The following ASIC2 variants were observed in gnomAD, a reference collection of about 807,000 sequenced individuals.
ASIC2 encodes acid sensing ion channel subunit 2.
A neutral mutation model predicts 57.3 loss-of-function variants in ASIC2; 25 were observed. The ratio of observed to expected loss-of-function variants is 0.44; its 90% CI spans 0.32 to 0.61. The LOEUF is 0.61. ASIC2 is among the 20% of genes least tolerant of loss of function. ASIC2 has a pLI of 0.06. For missense variants in ASIC2, 641 were observed against 738.1 expected, an observed-to-expected ratio of 0.87 and a Z score of 1.52; for synonymous variants, 319 against 307.5, an observed-to-expected ratio of 1.04 and a Z score of -0.39.
chr17:33,992,473 T>A (rs926135313), intron 1 of ASIC2, among the ~76,000 whole-genome samples: 1 of 152,214 alleles, frequency 6.6e-6, no homozygotes, highest in Non-Finnish European at 1.5e-5. Context: ...TCCAACAGCC[T>A]TCATTTGGGA....
intron 1 of ASIC2, among the ~76,000 whole-genome samples, chr17:33,798,311 G>A (rs1911979800): frequency 6.6e-6 from 1 of 152,176 alleles, no homozygotes; most frequent in Non-Finnish European, 1.5e-5. Context: ...GGCTCAGGAA[G>A]CTTTGCTGCG....
At chr17:33,424,121 G>A (rs1298154950) in intron 1 of ASIC2, among the ~76,000 whole-genome samples, 3 of 152,112 alleles carry the variant, frequency 2.0e-5, no homozygotes, top group Non-Finnish European at 4.4e-5. Context: ...CTACAGGGTG[G>A]GGCTCTGAGA....
At chr17:33,904,492 T>C (rs1220393146) in intron 1 of ASIC2, among the ~76,000 whole-genome samples, 1 of 152,212 alleles carries the variant, frequency 6.6e-6, no homozygotes, top group Non-Finnish European at 1.5e-5. Context: ...ATTCAAATGT[T>C]CTGAGGCAGA....
intron 1 of ASIC2, among the ~76,000 whole-genome samples, chr17:33,958,637 G>A (rs954495851): frequency 6.6e-6 from 1 of 152,122 alleles, no homozygotes; most frequent in African/African-American, 2.4e-5. Flanking sequence ...CACTGAAGGG[G>A]GGGTCTTGGA....
At chr17:33,631,539 G>T (rs1040921621) in intron 1 of ASIC2, among the ~76,000 whole-genome samples, 1 of 152,086 alleles carries the variant, frequency 6.6e-6, no homozygotes, top group Non-Finnish European at 1.5e-5. Context: ...GTAAAATGGG[G>T]ATAAGAATAG....
chr17:33,703,892 A>G (rs1597842136), intron 1 of ASIC2, among the ~76,000 whole-genome samples: 1 of 151,874 alleles, frequency 6.6e-6, no homozygotes, highest in African/African-American at 2.4e-5. Flanking sequence ...TTAGCCCTCA[A>G]CTCCATCTGT....
Position 33,140,537 on chromosome 17 carries a change from A to G in ASIC2, c.709-28470T>C, listed in dbSNP as rs868698416. ...CTGTGGTTAGCATTGCAGGAAATAT[A>G]TATACATAAAGTAGCTGCCACATTG... On this transcript the variant is annotated intron_variant, in intron 1 of 9. Transcript: ENST00000225823. 3.9e-5 allele frequency among the ~76,000 whole-genome samples: 6 copies of G among 152,186 alleles called. No individual in the cohort carries two copies. The South Asian group carries it at 8.3e-4, about 21-fold the overall frequency.
chr17:33,503,596 G>A (rs946734234), intron 1 of ASIC2, among the ~76,000 whole-genome samples: 1 of 152,076 alleles, frequency 6.6e-6, no homozygotes, highest in Non-Finnish European at 1.5e-5. Context: ...GGCCCACAGA[G>A]GCTCTACATC....
chr17:33,972,753 C>A (rs1323041420), intron 1 of ASIC2, among the ~76,000 whole-genome samples: 1 of 152,244 alleles, frequency 6.6e-6, no homozygotes, highest in Non-Finnish European at 1.5e-5. Flanking sequence ...GAACAGGTCA[C>A]TTTTGATGAA....
At chr17:33,181,641 G>C (rs1212452333) in intron 1 of ASIC2, among the ~76,000 whole-genome samples, 2 of 152,106 alleles carry the variant, frequency 1.3e-5, no homozygotes, top group Non-Finnish European at 2.9e-5. Flanking sequence ...CTTTCTCTTA[G>C]GGACACCAGT....
chr17:33,961,408 G>A (rs36058784), intron 1 of ASIC2, among the ~76,000 whole-genome samples: 17,131 of 152,186 alleles, frequency 0.11, 1,080 homozygotes, highest in Middle Eastern at 0.17. Flanking sequence ...GGTGGTTGGA[G>A]GCTAGAATAG....
intron 1 of ASIC2, among the ~76,000 whole-genome samples, chr17:33,778,531 C>T (rs1017590319): frequency 6.6e-6 from 1 of 152,174 alleles, no homozygotes; most frequent in Non-Finnish European, 1.5e-5. Flanking sequence ...ATCAAATTCA[C>T]CTCCTGGGGA....
At chr17:33,184,191 C>G (rs1166700685) in intron 1 of ASIC2, among the ~76,000 whole-genome samples, 1 of 152,118 alleles carries the variant, frequency 6.6e-6, no homozygotes, top group Non-Finnish European at 1.5e-5. Context: ...TTTAGGGACT[C>G]AGATGGTATA....
intron 1 of ASIC2, among the ~76,000 whole-genome samples, chr17:33,856,792 G>C (rs2141920716): frequency 6.6e-6 from 1 of 152,272 alleles, no homozygotes; most frequent in African/African-American, 2.4e-5. Context: ...GACCGCGACA[G>C]GTAGTTCAGG....
intron 1 of ASIC2, among the ~76,000 whole-genome samples, chr17:33,915,120 T>C (rs1013586411): frequency 1.3e-5 from 2 of 152,170 alleles, no homozygotes; most frequent in Non-Finnish European, 2.9e-5. Flanking sequence ...TGAAATTAAA[T>C]GGCTCCATTT....
At chr17:33,144,208 C>T (rs890418246) in intron 1 of ASIC2, among the ~76,000 whole-genome samples, 1 of 151,970 alleles carries the variant, frequency 6.6e-6, no homozygotes, top group African/African-American at 2.4e-5. Flanking sequence ...GGTTTAGAGA[C>T]TGCTCAGTTT....
At chr17:34,146,337 T>C (rs1912416421) in intron 1 of ASIC2, among the ~76,000 whole-genome samples, 1 of 152,222 alleles carries the variant, frequency 6.6e-6, no homozygotes, top group South Asian at 2.1e-4. Context: ...TTGTCCATGT[T>C]ACCATATGGA....
intron 1 of ASIC2, among the ~76,000 whole-genome samples, chr17:33,743,477 A>G (rs1910169391): frequency 6.6e-6 from 1 of 152,238 alleles, no homozygotes; most frequent in African/African-American, 2.4e-5. Context: ...TGGCCCAGGT[A>G]TGTGTTAAAG....
chr17:34,146,911 A>G (rs1912436565), intron 1 of ASIC2: 1 of 152,232 alleles, frequency 6.6e-6, no homozygotes, highest in Admixed American at 6.5e-5. Context: ...TCAGTCAGGC[A>G]TATCATGGCT....
Sources: allele counts gnomAD v4.1 joint callset (sites outside exome capture counted in the v4.1 genomes callset), GRCh38; gene constraint gnomAD v4.1.1; transcripts MANE v1.5; gene names NCBI Gene and HGNC (gene_info 2026-07-23, HGNC 2026-07-21).